The following NCAPG variants were observed in gnomAD, a reference collection of about 807,000 sequenced individuals.
NCAPG encodes non-SMC condensin I complex subunit G, also known as condensin complex subunit 3.
In NCAPG, 69 loss-of-function variants were observed where a neutral mutation model predicts 113.1. The observed-to-expected ratio is 0.61, with a 90% CI of 0.50 to 0.75. NCAPG has a LOEUF of 0.75. Among genes scored for constraint, NCAPG ranks in the 30% least tolerant of loss-of-function variants. NCAPG has a pLI of 0.00. For synonymous variants in NCAPG, 370 were observed against 415.8 expected (o/e 0.89, Z 1.34); for missense variants, 1,058 against 1,177.0 (o/e 0.90, Z 1.48).
At chr4:17,831,487 G>C (rs1312126654) in intron 13 of NCAPG, among the ~76,000 whole-genome samples, 1 of 152,144 alleles carries the variant, frequency 6.6e-6, no homozygotes, top group East Asian at 1.9e-4. Flanking sequence ...TGAAAAATAA[G>C]TATACAATGT....
At chr4:17,828,410 C>T (rs771210135) in intron 12 of NCAPG, 22 bp downstream of exon 12, 4 of 1,450,954 alleles carry the variant, frequency 2.8e-6, no homozygotes, top group Non-Finnish European at 2.9e-6. Context: ...GCCTCTTGGG[C>T]TTTATTTTAG....
chr4:17,813,145 G>C lies in NCAPG; in HGVS notation c.544G>C (p.Ala182Pro), dbSNP rs1721066396. ...GGATGATGAATGCCCAGTGGTTAAT[G>C]GTGTGTGTAGTTTCCTAAATCTTTT... Reference protein sequence around the residue: ...PKDDECPVVNAYATLIENDSN... With the variant: ...PKDDECPVVNPYATLIENDSN... Residue 182 changes from alanine (A) to proline (P), a missense_variant and splice_region_variant, in exon 3 of 21, where the codon GCA becomes CCA. Coordinates refer to ENST00000251496, the MANE Select transcript of NCAPG (RefSeq NM_022346.5). The C allele has an allele frequency of 1.2e-6, 2 of 1,602,092 alleles. No individual in the cohort carries two copies. Among genetic ancestry groups the C allele is most frequent in the African/African-American group, 1.3e-5 (1 of 74,114 alleles).
rs941098967 is a variant in NCAPG, at chr4:17,834,484, G to C, written c.2070G>C (p.Lys690Asn). ...SKEVEETATA[K>N]NVLKLLSDFL... is the part of the protein sequence containing the mutation. ...AAGTTGAAGAGACTGCTACAGCTAA[G>C]AATGTTCTGAAACTCCTTTCTGATT... The change falls in exon 14 of 21, where the codon AAG becomes AAC. Residue 690 changes from lysine (K) to asparagine (N), a missense_variant. By Grantham distance (94) the Lys-to-Asn change is moderately conservative (BLOSUM62 0). Transcript: ENST00000251496. 1.2e-6 allele frequency: 2 copies of C among 1,601,362 alleles called. No homozygotes were observed. The highest frequency in any genetic ancestry group is 2.7e-5 in the African/African-American group (2 of 74,434).
In NCAPG at chr4:17,837,279, G is replaced by A. The variant is rs1722139698; in HGVS notation, c.2230G>A (p.Glu744Lys). Residue 744 changes from glutamate (E) to lysine (K), a missense_variant, in exon 15 of 21, where the codon GAG becomes AAG. Coordinates refer to ENST00000251496, the MANE Select transcript of NCAPG (RefSeq NM_022346.5). ...GTTATGGTACAATCCTGTGACTGAA[G>A]AGGATGTTCAACTTCGACATTGCCT... ...ILLWYNPVTE[E>K]DVQLRHCLGV... 1.9e-6 allele frequency: 3 copies of A among 1,613,998 alleles called. No homozygotes were observed. Among genetic ancestry groups the A allele is most frequent in the Non-Finnish European group, 2.5e-6 (3 of 1,179,934 alleles).
Position 17,819,085 on chromosome 4 carries a change from A to G in NCAPG, c.1118+997A>G, listed in dbSNP as rs74727630. ...TTTCTTTAAAAATATAACACTGTGT[A>G]TATACTTTTTTTTTCAACTGATAAC... On this transcript the variant is annotated intron_variant, in intron 7 of 20. Transcript: ENST00000251496. Among the ~76,000 whole-genome samples the G allele has an allele frequency of 7.1e-4, 108 of 152,248 alleles. 1 individual carries two copies. The East Asian group carries it at 0.016, about 23-fold the overall frequency.
In NCAPG at chr4:17,828,397, A is replaced by T; in HGVS notation, c.1764+9A>T. 6 of 1,559,812 alleles carry T rather than the reference A, an allele frequency of 3.8e-6. No individual in the cohort carries two copies. Among genetic ancestry groups the T allele is most frequent in the Non-Finnish European group, 4.4e-6 (5 of 1,134,788 alleles). On this transcript the variant is annotated intron_variant, in intron 12 of 20. Coordinates refer to ENST00000251496, the MANE Select transcript of NCAPG (RefSeq NM_022346.5). ...GAATCATCGAATCTTTGGTATGTTG[A>T]TGGCCTCTTGGGCTTTATTTTAGTC...
chr4:17,834,601 T>G, intron 14 of NCAPG, 78 bp downstream of exon 14: 1 of 959,860 alleles, frequency 1.0e-6, no homozygotes, highest in Non-Finnish European at 1.4e-6. Context: ...TTTTTTAAAT[T>G]TATTATAGTT....
intron 20 of NCAPG, chr4:17,842,792 G>T (rs1722544498): frequency 5.9e-6 from 1 of 168,582 alleles, no homozygotes; most frequent in Non-Finnish European, 1.3e-5. Context: ...TCAAGCCACT[G>T]TTAGAGCTGA....
intron 4 of NCAPG, 100 bp downstream of exon 4, chr4:17,815,098 C>T: frequency 6.7e-7 from 1 of 1,484,246 alleles, no homozygotes; most frequent in Non-Finnish European, 9.2e-7. Flanking sequence ...ATAATTTCTT[C>T]AGTTGAGGTT....
chr4:17,840,757 CTTG>C (rs1722331143), intron 19 of NCAPG, 64 bp downstream of exon 19: 1 of 1,088,474 alleles, frequency 9.2e-7, no homozygotes, highest in South Asian at 2.3e-5. Context: ...ATGAAAAATA[CTTG>C]TTTTGCAAGT....
At chr4:17,817,217 C>A in intron 5 of NCAPG, 44 bp from the exon 6 acceptor site, 1 of 1,407,248 alleles carries the variant, frequency 7.1e-7, no homozygotes, top group Non-Finnish European at 9.9e-7. Context: ...GAGATGGAAG[C>A]TAGAGGGAGC....
rs1174169445 is a variant in NCAPG, at chr4:17,812,176, G to A, written c.112-45G>A. On this transcript the variant is annotated intron_variant, in intron 1 of 20. Transcript: ENST00000251496. The stretch of plus-strand genomic sequence containing the variant: ...TCTTAGGGTGATGTTGGGAATAAAG[G>A]ATTTTTATCGGTGCAGTTTATGAAG... 3 of 1,467,790 alleles carry A rather than the reference G, an allele frequency of 2.0e-6. No homozygotes were observed. In the South Asian group the frequency reaches 3.5e-5, roughly 17 times the overall value. 90.9% of individuals were successfully genotyped at this position (1,467,790 alleles called of 1,614,324 possible).
chr4:17,837,456 A>C, intron 15 of NCAPG, 116 bp downstream of exon 15: 1 of 1,232,822 alleles, frequency 8.1e-7, no homozygotes, highest in South Asian at 1.5e-5. Context: ...TTAGTAGATA[A>C]ATGATGAAAT....
chr4:17,811,305 G>A lies in NCAPG; in HGVS notation c.111+117G>A, dbSNP rs1720930057. 1.7e-6 allele frequency: 1 copy of A among 591,936 alleles called. No homozygotes were observed. The highest frequency in any genetic ancestry group is 2.0e-5 in the African/African-American group (1 of 50,284). The allele number at this position is 591,936 out of a possible 1,614,324, so 36.7% of individuals were successfully genotyped here. A position where few individuals can be genotyped will look rare whatever the true frequency, so the allele number is the denominator to read the frequency against. On this transcript the variant is annotated intron_variant, in intron 1 of 20. Transcript: ENST00000251496. The surrounding 1 kb of genome is among the most constrained non-coding windows in gnomAD (Gnocchi z 5.3). ...TGACTCCAGCCTTGTTCACCTTCGC[G>A]ACTCACTTCATAGGGATCTGAGGTT...
rs1158368879 is a variant in NCAPG, at chr4:17,843,480, AAAG to A, written c.*62_*64del. The A allele has an allele frequency of 1.9e-5, 30 of 1,582,516 alleles. No homozygotes were observed. The highest frequency in any genetic ancestry group is 6.8e-5 in the African/African-American group (5 of 73,366). On this transcript the variant is annotated 3_prime_UTR_variant, in exon 21 of 21. Transcript: ENST00000251496. The stretch of plus-strand genomic sequence containing the variant: ...ATTATGTCCAGTTATTTGCTTTAAT[AAAG>A]AAGAAGTTACCCTTGTCAAAATCAG...
intron 20 of NCAPG, 88 bp from the exon 21 acceptor site, chr4:17,843,214 T>A: frequency 7.1e-7 from 1 of 1,408,068 alleles, no homozygotes; most frequent in East Asian, 2.3e-5. Context: ...ACTGATAGAA[T>A]GTGAGTCAGA....
rs573686752 is a variant in NCAPG at position 17,811,159 on chromosome 4, G to A, written c.82G>A (p.Val28Met). 4.6e-6 allele frequency: 7 copies of A among 1,514,458 alleles called. No homozygotes were observed. In the African/African-American group the frequency reaches 7.2e-5, roughly 15 times the overall value. 93.8% of individuals were successfully genotyped at this position (1,514,458 alleles called of 1,614,324 possible). A position where few individuals can be genotyped will look rare whatever the true frequency, so the allele number is the denominator to read the frequency against. Residue 28 changes from valine to methionine, a missense_variant, in exon 1 of 21, where the codon GTG becomes ATG. Coordinates refer to ENST00000251496, the MANE Select transcript of NCAPG (RefSeq NM_022346.5). The surrounding 1 kb of genome is among the most constrained non-coding windows in gnomAD (Gnocchi z 5.3). ...GCCGCACCAGAACCAGGCGAAGCTG[G>A]TGGTGGCGCTGAGCCGCACCTACCG... Reference protein sequence around the residue: ...QQPHQNQAKLVVALSRTYRTM... With the variant: ...QQPHQNQAKLMVALSRTYRTM...
intron 7 of NCAPG, among the ~76,000 whole-genome samples, chr4:17,821,772 T>C (rs916843796): frequency 2.1e-5 from 2 of 96,814 alleles, no homozygotes; most frequent in Non-Finnish European, 4.0e-5. Flanking sequence ...GCGACATTTT[T>C]GACATTTTTT....
chr4:17,840,264 T>A (rs1722298545), intron 18 of NCAPG, 55 bp downstream of exon 18: 1 of 1,448,786 alleles, frequency 6.9e-7, no homozygotes, highest in African/African-American at 1.5e-5. Context: ...TTTTCCATCT[T>A]TACTGAGACA....
Sources: gnomAD v4.1 joint callset for allele counts (sites outside exome capture counted in the v4.1 genomes callset) on GRCh38, gnomAD v4.1.1 for gene constraint, Gnocchi (gnomAD v3.1) non-coding constraint, MANE v1.5 for transcripts, NCBI Gene and HGNC (gene_info 2026-07-23, HGNC 2026-07-21) for gene names.